Variants in ZNF316 observed in about 807,000 individuals in gnomAD.
The protein encoded by ZNF316 is zinc finger protein 316.
In ZNF316, 23 loss-of-function variants were observed where a neutral mutation model predicts 75.6. That is an observed-to-expected ratio of 0.30 (90% confidence interval 0.22 to 0.43). The LOEUF is 0.43. Among genes scored for constraint, ZNF316 ranks in the 20% least tolerant of loss-of-function variants. The pLI, the probability that ZNF316 is intolerant of heterozygous loss-of-function variation, is 1.00. For synonymous variants in ZNF316, 827 were observed against 666.2 expected (o/e 1.24, Z -3.72); for missense variants, 1,266 against 1,409.4 (o/e 0.90, Z 1.63).
At position 6,642,354 on chromosome 7, in the gene ZNF316, CCGT is replaced by C; in HGVS notation, c.-28-26_-28-24del. 8.8e-7 allele frequency: 1 copy of C among 1,141,396 alleles called. No homozygotes were observed. The highest frequency in any genetic ancestry group is 1.1e-6 in the Non-Finnish European group (1 of 905,606). 70.7% of individuals were successfully genotyped at this position (1,141,396 alleles called of 1,614,324 possible). On this transcript the variant is annotated intron_variant, in intron 4 of 8. Transcript: ENST00000382252. The surrounding 1 kb of genome is among the most constrained non-coding windows in gnomAD (Gnocchi z 8.1). Reference sequence around the variant, plus strand: ...GACCGTGTGGTGTGCTGAGAGCAGCCCGTCACTGGCGTCCATCTGCATTTCAGG... The same window carrying C: ...GACCGTGTGGTGTGCTGAGAGCAGCCCACTGGCGTCCATCTGCATTTCAGG...
At chr7:6,646,238 A>T (rs1194229681) in intron 8 of ZNF316, among the ~76,000 whole-genome samples, 1 of 152,116 alleles carries the variant, frequency 6.6e-6, no homozygotes, top group Non-Finnish European at 1.5e-5. Context: ...TTCTCCAGAT[A>T]CTTGGGGACC....
chr7:6,649,220 G>A (rs1191191863), intron 8 of ZNF316, among the ~76,000 whole-genome samples: 1 of 152,152 alleles, frequency 6.6e-6, no homozygotes, highest in African/African-American at 2.4e-5. Flanking sequence ...CGGAAGCCTA[G>A]CTGCATGTTG....
chr7:6,651,264 T>C (rs1187514103), intron 8 of ZNF316, among the ~76,000 whole-genome samples: 2 of 152,156 alleles, frequency 1.3e-5, no homozygotes, highest in Non-Finnish European at 2.9e-5. Context: ...GGCAGGAGAA[T>C]TGCTCAACCC....
chr7:6,653,646 C>G lies in ZNF316; in HGVS notation c.2050C>G (p.Leu684Val), dbSNP rs1241027418. 3.0e-5 allele frequency: 32 copies of G among 1,068,310 alleles called. No individual in the cohort carries two copies. The highest frequency in any genetic ancestry group is 3.6e-5 in the Non-Finnish European group (32 of 881,832). The allele number at this position is 1,068,310 out of a possible 1,614,324, so 66.2% of individuals were successfully genotyped here. A position where few individuals can be genotyped will look rare whatever the true frequency, so the allele number is the denominator to read the frequency against. ...GLLAEPAPAA[L>V]AEEESPWICS... is the part of the protein sequence containing the mutation. ...GCTGGCGGAGCCCGCGCCGGCCGCG[C>G]TGGCGGAGGAGGAGAGCCCGTGGAT... Residue 684 changes from leucine (L) to valine (V), a missense_variant, in exon 9 of 9, where the codon CTG becomes GTG. Around this residue, in one of 3 missense-constraint regions of ZNF316, gnomAD observed 961 missense variants for 990.9 expected, o/e 0.97. Coordinates refer to ENST00000382252, the MANE Select transcript of ZNF316 (RefSeq NM_001278559.2).
Position 6,652,542 on chromosome 7 carries a change from T to C in ZNF316, c.946T>C (p.Phe316Leu). 1 of 1,231,000 alleles carries C rather than the reference T, an allele frequency of 8.1e-7. No homozygotes were observed. Among genetic ancestry groups the C allele is most frequent in the Non-Finnish European group, 1.0e-6 (1 of 987,432 alleles). 76.3% of individuals were successfully genotyped at this position (1,231,000 alleles called of 1,614,324 possible). ...GGCCGACGGCTCTGAAGCGAAGCCT[T>C]TCCTGCCCGGCCGGGAGCCGGGTGC... ...VLADGSEAKPFLPGREPGANL... is the reference protein window; with the variant it reads ...VLADGSEAKPLLPGREPGANL... The change falls in exon 9 of 9, where the codon TTC becomes CTC. Residue 316 changes from phenylalanine to leucine, a missense_variant. Transcript: ENST00000382252.
At position 6,653,043 on chromosome 7, in the gene ZNF316, C is replaced by T; in HGVS notation, c.1447C>T (p.Arg483Cys). The change falls in exon 9 of 9, where the codon CGC (arginine) becomes TGC (cysteine). Residue 483 changes from arginine (R) to cysteine (C), a missense_variant. This residue lies in a region of ZNF316 where 961 missense variants were observed against 990.9 expected (regional missense o/e 0.97). Transcript: ENST00000382252. ...ARHQAVHTAD[R>C]PHCCPDCGQA... ...GCACCAGGCGGTGCACACGGCCGAC[C>T]GCCCGCACTGCTGTCCCGACTGCGG... 1 of 1,218,938 alleles carries T rather than the reference C, an allele frequency of 8.2e-7. No homozygotes were observed. The allele number at this position is 1,218,938 out of a possible 1,614,324, so 75.5% of individuals were successfully genotyped here.
intron 8 of ZNF316, among the ~76,000 whole-genome samples, chr7:6,649,925 G>C (rs115401931): frequency 0.018 from 2,747 of 152,284 alleles, 83 homozygotes; most frequent in African/African-American, 0.062. Context: ...AGAGGTGATG[G>C]GAGGAGCCTC....
Position 6,654,089 on chromosome 7 carries a change from C to A in ZNF316, c.2493C>A (p.His831Gln). 8.2e-7 allele frequency: 1 copy of A among 1,216,334 alleles called. No homozygotes were observed. Among genetic ancestry groups the A allele is most frequent in the Non-Finnish European group, 1.0e-6 (1 of 977,630 alleles). The allele number at this position is 1,216,334 out of a possible 1,614,324, so 75.3% of individuals were successfully genotyped here. A position where few individuals can be genotyped will look rare whatever the true frequency, so the allele number is the denominator to read the frequency against. ...GGGCGCACGCCGAGGAGAAGCCGCA[C>A]CGCTGCCCCGACTGCGGCAAGGGCT... is the stretch of plus-strand genomic sequence containing the variant. ...HQWAHAEEKP[H>Q]RCPDCGKGFG... Residue 831 changes from histidine (H) to glutamine (Q), a missense_variant, in exon 9 of 9, where the codon CAC (histidine) becomes CAA (glutamine). This residue lies in a region of ZNF316 where 194 missense variants were observed against 319.2 expected (regional missense o/e 0.61). Coordinates refer to ENST00000382252, the MANE Select transcript of ZNF316 (RefSeq NM_001278559.2).
At chr7:6,651,756 C>G (rs1046451644) in intron 8 of ZNF316, among the ~76,000 whole-genome samples, 1 of 152,176 alleles carries the variant, frequency 6.6e-6, no homozygotes, top group African/African-American at 2.4e-5. Context: ...GAGTGAGACT[C>G]TTGTCTCAAA....
At position 6,640,265 on chromosome 7, in the gene ZNF316, G is replaced by C. The variant is rs1466268804; in HGVS notation, c.-167+1124G>C. ...CGCATTGCTGTAAAGAAATACCTGA[G>C]ACTGGGTCATTTATAAAGAAGAGGT... is the stretch of plus-strand genomic sequence containing the variant. On this transcript the variant is annotated intron_variant, in intron 3 of 8. Transcript: ENST00000382252. The surrounding 1 kb of genome is among the most constrained non-coding windows in gnomAD (Gnocchi z 5.1). 6.6e-6 allele frequency among the ~76,000 whole-genome samples: 1 copy of C among 152,172 alleles called. No homozygotes were observed. Among genetic ancestry groups the C allele is most frequent in the Non-Finnish European group, 1.5e-5 (1 of 68,032 alleles).
In ZNF316 at chr7:6,653,452, C is replaced by T. The variant is rs1779553894; in HGVS notation, c.1856C>T (p.Pro619Leu). 8.1e-7 allele frequency: 1 copy of T among 1,227,796 alleles called. No homozygotes were observed. Among genetic ancestry groups the T allele is most frequent in the African/African-American group, 1.6e-5 (1 of 64,278 alleles). 76.1% of individuals were successfully genotyped at this position (1,227,796 alleles called of 1,614,324 possible). ...GACAGCTTCCCGATCCTGGGCCTAC[C>T]CGACTTCCGAGAGCGGCTGCCGGTC... is the stretch of plus-strand genomic sequence containing the variant. ...HPDSFPILGL[P>L]DFRERLPVDG... Residue 619 changes from proline (P) to leucine (L), a missense_variant, in exon 9 of 9, where the codon CCC becomes CTC. By Grantham distance (98) the Pro-to-Leu change is moderately conservative. This residue lies in a region of ZNF316 where 961 missense variants were observed against 990.9 expected (regional missense o/e 0.97). Coordinates refer to ENST00000382252, the MANE Select transcript of ZNF316 (RefSeq NM_001278559.2).
In ZNF316 at chr7:6,652,985, C is replaced by T; in HGVS notation, c.1389C>T (p.Gly463=). 8.1e-7 allele frequency: 1 copy of T among 1,234,298 alleles called. No individual in the cohort carries two copies. Among genetic ancestry groups the T allele is most frequent in the African/African-American group, 1.6e-5 (1 of 64,442 alleles). The allele number at this position is 1,234,298 out of a possible 1,614,324, so 76.5% of individuals were successfully genotyped here. A position where few individuals can be genotyped will look rare whatever the true frequency, so the allele number is the denominator to read the frequency against. Residue 463 remains glycine, a synonymous_variant, in exon 9 of 9, where the codon GGC becomes GGT. Coordinates refer to ENST00000382252, the MANE Select transcript of ZNF316 (RefSeq NM_001278559.2). The part of the protein sequence containing the change: ...GERPYPCSHC[G]RSFSQSSALA... Reference sequence around the variant, plus strand: ...GACCCTACCCGTGTTCGCACTGCGGCCGCAGCTTCAGCCAGAGCTCGGCGC... The same window carrying T: ...GACCCTACCCGTGTTCGCACTGCGGTCGCAGCTTCAGCCAGAGCTCGGCGC...
chr7:6,650,287 T>C (rs1779484825), intron 8 of ZNF316, among the ~76,000 whole-genome samples: 1 of 152,188 alleles, frequency 6.6e-6, no homozygotes, highest in African/African-American at 2.4e-5. Flanking sequence ...GACGGGGCTT[T>C]TCTTTGCTGC....
Position 6,652,484 on chromosome 7 carries a change from G to C in ZNF316, c.888G>C (p.Gly296=), listed in dbSNP as rs1315007375. The change falls in exon 9 of 9, where the codon GGG becomes GGC. Residue 296 remains glycine (G), a synonymous_variant. Coordinates refer to ENST00000382252, the MANE Select transcript of ZNF316 (RefSeq NM_001278559.2). Reference sequence around the variant, plus strand: ...CGGATTCGGCGCAGACTCCAGAGGGGTGGGGACCCGACCCAGGCGGCCTGG... The same window carrying C: ...CGGATTCGGCGCAGACTCCAGAGGGCTGGGGACCCGACCCAGGCGGCCTGG... ...DDSDSAQTPE[G]WGPDPGGLGV... is the part of the protein sequence containing the mutation. 2 of 1,231,590 alleles carry C rather than the reference G, an allele frequency of 1.6e-6. No individual in the cohort carries two copies. Among genetic ancestry groups the C allele is most frequent in the East Asian group, 3.2e-5 (1 of 31,656 alleles). 76.3% of individuals were successfully genotyped at this position (1,231,590 alleles called of 1,614,324 possible). A position where few individuals can be genotyped will look rare whatever the true frequency, so the allele number is the denominator to read the frequency against.
In ZNF316 at chr7:6,637,387, GCCGGCCCGCAGGCCCCGGCCCCGGTGT is replaced by G. The variant is rs1470206419; in HGVS notation, c.-482_-456del. ...CACTTTGTGTAGCGCGGGGTCCGCC[GCCGGCCCGCAGGCCCCGGCCCCGGTGT>G]CCGGCCCGTGGCTCGGCCAGCCCGG... On this transcript the variant is annotated 5_prime_UTR_variant, in exon 1 of 9. Transcript: ENST00000382252. The surrounding 1 kb of genome is among the most constrained non-coding windows in gnomAD (Gnocchi z 6.2). 172 of 147,510 alleles carry G rather than the reference GCCGGCCCGCAGGCCCCGGCCCCGGTGT, an allele frequency of 1.2e-3. No homozygotes were observed. Among genetic ancestry groups the G allele is most frequent in the African/African-American group, 4.1e-3 (168 of 40,808 alleles). The allele number at this position is 147,510 out of a possible 1,614,324, so 9.1% of individuals were successfully genotyped here.
At position 6,653,741 on chromosome 7, in the gene ZNF316, C is replaced by G. The variant is rs997840877; in HGVS notation, c.2145C>G (p.Gly715=). 2 of 1,097,286 alleles carry G rather than the reference C, an allele frequency of 1.8e-6. No homozygotes were observed. The highest frequency in any genetic ancestry group is 2.2e-6 in the Non-Finnish European group (2 of 900,352). 68.0% of individuals were successfully genotyped at this position (1,097,286 alleles called of 1,614,324 possible). A position where few individuals can be genotyped will look rare whatever the true frequency, so the allele number is the denominator to read the frequency against. ...ALAKHQRYHA[G]ERPHRCADCG... is the part of the protein sequence containing the mutation. ...CCAAGCACCAGCGCTACCACGCGGG[C>G]GAGCGGCCGCATCGCTGCGCCGACT... The change falls in exon 9 of 9, where the codon GGC becomes GGG. Residue 715 remains glycine (G), a synonymous_variant. Transcript: ENST00000382252.
Position 6,653,977 on chromosome 7 carries a change from G to A in ZNF316, c.2381G>A (p.Gly794Glu). The change falls in exon 9 of 9, where the codon GGG becomes GAG. Residue 794 changes from glycine to glutamate, a missense_variant. Gly to Glu is a moderately conservative substitution (Grantham distance 98). Around this residue, in one of 3 missense-constraint regions of ZNF316, gnomAD observed 194 missense variants for 319.2 expected, o/e 0.61. Coordinates refer to ENST00000382252, the MANE Select transcript of ZNF316 (RefSeq NM_001278559.2). Reference sequence around the variant, plus strand: ...CGTCGCGCGCACTTGACGGCGCACGGGCGCGCGCACACCGGGGAGCGGCCT... The same window carrying A: ...CGTCGCGCGCACTTGACGGCGCACGAGCGCGCGCACACCGGGGAGCGGCCT... ...FSRRAHLTAH[G>E]RAHTGERPYA... is the part of the protein sequence containing the mutation. The A allele has an allele frequency of 8.5e-7, 1 of 1,172,830 alleles. No individual in the cohort carries two copies. The highest frequency in any genetic ancestry group is 1.1e-6 in the Non-Finnish European group (1 of 950,730). 72.7% of individuals were successfully genotyped at this position (1,172,830 alleles called of 1,614,324 possible).
chr7:6,645,465 C>A (rs1316912759), intron 8 of ZNF316, among the ~76,000 whole-genome samples: 1 of 147,798 alleles, frequency 6.8e-6, no homozygotes, highest in Non-Finnish European at 1.5e-5. Flanking sequence ...GGACAGATCA[C>A]TCGAGGTCAG....
At chr7:6,649,366 G>C (rs116226632) in intron 8 of ZNF316, among the ~76,000 whole-genome samples, 1 of 152,138 alleles carries the variant, frequency 6.6e-6, no homozygotes, top group Admixed American at 6.6e-5. Context: ...CTGTCGCATG[G>C]TTCCTGCCCC....
Sources: allele counts gnomAD v4.1 joint callset (sites outside exome capture counted in the v4.1 genomes callset), GRCh38; gene constraint gnomAD v4.1.1; regional missense constraint gnomAD v4.1.1; non-coding constraint Gnocchi (gnomAD v3.1); transcripts MANE v1.5; gene names NCBI Gene and HGNC (gene_info 2026-07-23, HGNC 2026-07-21).